CCDC171: variants seen among roughly 807,000 people sequenced by gnomAD.
CCDC171 encodes the protein coiled-coil domain-containing protein 171.
Under a neutral mutation model 168.2 loss-of-function variants are expected in CCDC171, and 177 were observed. That is an observed-to-expected ratio of 1.05 (90% CI 0.93 to 1.19). CCDC171 has a LOEUF of 1.19. CCDC171 is among the 50% of genes most tolerant of loss of function. The pLI is 0.00. For synonymous variants in CCDC171, 687 were observed against 540.8 expected, an observed-to-expected ratio of 1.27 and a Z score of -3.75; for missense variants, 1,991 against 1,539.0, an observed-to-expected ratio of 1.29 and a Z score of -4.91.
At chr9:15,554,971 C>T (rs2038669208) in intron 1 of CCDC171, among the ~76,000 whole-genome samples, 1 of 152,092 alleles carries the variant, frequency 6.6e-6, no homozygotes, top group African/African-American at 2.4e-5. Context: ...TTTTTTCATC[C>T]ACCCATCCCT....
At chr9:15,594,894 A>T (rs1319095726) in intron 6 of CCDC171, among the ~76,000 whole-genome samples, 1 of 152,204 alleles carries the variant, frequency 6.6e-6, no homozygotes, top group Non-Finnish European at 1.5e-5. Flanking sequence ...AAAACCCATG[A>T]ATCAACTAAC....
At chr9:15,665,066 A>G (rs1038692943) in intron 8 of CCDC171, among the ~76,000 whole-genome samples, 1 of 152,004 alleles carries the variant, frequency 6.6e-6, no homozygotes, top group Admixed American at 6.6e-5. Flanking sequence ...TACTTTACTC[A>G]CGTCAATGGT....
At chr9:16,085,383 T>G in the CCDC171 span, among the ~76,000 whole-genome samples, 1 of 152,230 alleles carries the variant, frequency 6.6e-6, no homozygotes, top group Non-Finnish European at 1.5e-5. Context: ...CATGTAGCAC[T>G]GAAATGGGTC....
chr9:15,912,632 G>A (rs1017465559), intron 24 of CCDC171, among the ~76,000 whole-genome samples: 2 of 152,186 alleles, frequency 1.3e-5, no homozygotes, highest in African/African-American at 4.8e-5. Flanking sequence ...CAAAGGGAAT[G>A]CTTCCGGTTT....
chr9:15,587,786 C>A, intron 4 of CCDC171: 1 of 312,238 alleles, frequency 3.2e-6, no homozygotes, highest in Admixed American at 3.5e-5. Context: ...TATGAGGAAA[C>A]CCTTTAAAAT....
At chr9:15,621,680 A>G (rs1426538479) in intron 6 of CCDC171, among the ~76,000 whole-genome samples, 1 of 152,250 alleles carries the variant, frequency 6.6e-6, no homozygotes, top group East Asian at 1.9e-4. Context: ...CATTATTGGC[A>G]GGAATGTAAG....
At chr9:15,639,450 G>C (rs10962103) in intron 7 of CCDC171, among the ~76,000 whole-genome samples, 23,492 of 151,870 alleles carry the variant, frequency 0.15, 1,975 homozygotes, top group Non-Finnish European at 0.21. Flanking sequence ...CAGAATTTGC[G>C]ACCACAAATT....
At chr9:15,773,616 A>G (rs145618490) in intron 18 of CCDC171, among the ~76,000 whole-genome samples, 47 of 152,312 alleles carry the variant, frequency 3.1e-4, no homozygotes, top group African/African-American at 1.1e-3. Context: ...AACAGTCTAG[A>G]CAAGTATACA....
At chr9:16,024,315 C>T (rs1418828318) in intron 6 of CCDC171, among the ~76,000 whole-genome samples, 1 of 152,172 alleles carries the variant, frequency 6.6e-6, no homozygotes, top group African/African-American at 2.4e-5. Context: ...TCCTATCCTA[C>T]CTCAAACTGG....
At chr9:15,653,072 C>T (rs1564143804) in intron 7 of CCDC171, among the ~76,000 whole-genome samples, 1 of 152,134 alleles carries the variant, frequency 6.6e-6, no homozygotes, top group Non-Finnish European at 1.5e-5. Flanking sequence ...TTCCCATTTA[C>T]TTTTTCTGTT....
intron 11 of CCDC171, among the ~76,000 whole-genome samples, chr9:15,715,680 C>G (rs1450003282): frequency 6.6e-6 from 1 of 152,112 alleles, no homozygotes; most frequent in Non-Finnish European, 1.5e-5. Flanking sequence ...TACTAATTCT[C>G]CCTTCTTGGG....
the CCDC171 span, among the ~76,000 whole-genome samples, chr9:16,085,239 C>T: frequency 1.3e-5 from 2 of 152,186 alleles, no homozygotes; most frequent in African/African-American, 2.4e-5. Context: ...TTTGTCAGAG[C>T]TTGGTCAGGG....
At chr9:15,641,213 C>G (rs909442836) in intron 7 of CCDC171, among the ~76,000 whole-genome samples, 1 of 152,058 alleles carries the variant, frequency 6.6e-6, no homozygotes, top group Non-Finnish European at 1.5e-5. Context: ...TTGGGGTAAA[C>G]TTTGTGCAAC....
At chr9:15,648,436 G>A (rs200934333) in intron 7 of CCDC171, among the ~76,000 whole-genome samples, 1 of 152,104 alleles carries the variant, frequency 6.6e-6, no homozygotes, top group African/African-American at 2.4e-5. Context: ...GGTATTCAAT[G>A]AGGAAAAGAG....
chr9:15,665,659 T>G (rs7020230), intron 8 of CCDC171, among the ~76,000 whole-genome samples: 2,518 of 152,232 alleles, frequency 0.017, 74 homozygotes, highest in African/African-American at 0.056. Context: ...TGTGCACCTG[T>G]AGTCCCAGCT....
In CCDC171 at chr9:15,607,474, T is replaced by C. The variant is rs565475578; in HGVS notation, c.675+13302T>C. On this transcript the variant is annotated intron_variant, in intron 6 of 25. Transcript: ENST00000380701. ...AAACTTATATTTTTCACTTTTTTTT[T>C]TCTTTTAGACAGGGTCTCACTCTGT... Among the ~76,000 whole-genome samples the C allele has an allele frequency of 2.6e-5, 4 of 152,298 alleles. No homozygotes were observed. In the South Asian group the frequency reaches 8.3e-4, roughly 32 times the overall value.
Position 15,833,457 on chromosome 9 carries a change from A to C in CCDC171, c.3268-13245A>C, listed in dbSNP as rs549330305. ...TATTCATTTATGTTGTGCCACTTAA[A>C]ATCTGTGAGTGAAGTTTATTTTTGC... On this transcript the variant is annotated intron_variant, in intron 21 of 25. Coordinates refer to ENST00000380701, the MANE Select transcript of CCDC171 (RefSeq NM_173550.4). 3.3e-5 allele frequency among the ~76,000 whole-genome samples: 5 copies of C among 152,306 alleles called. No homozygotes were observed. In the South Asian group the frequency reaches 1.0e-3, roughly 32 times the overall value.
At chr9:15,970,721 G>T (rs1018866044) in intron 25 of CCDC171, among the ~76,000 whole-genome samples, 1 of 152,052 alleles carries the variant, frequency 6.6e-6, no homozygotes, top group African/African-American at 2.4e-5. Flanking sequence ...TACCATCAGT[G>T]TTCTCAAATA....
chr9:15,729,648 C>G lies in CCDC171; in HGVS notation c.1899C>G (p.Asp633Glu). 6.2e-7 allele frequency: 1 copy of G among 1,612,842 alleles called. No individual in the cohort carries two copies. The highest frequency in any genetic ancestry group is 8.5e-7 in the Non-Finnish European group (1 of 1,179,254). Residue 633 changes from aspartate to glutamate, a missense_variant, in exon 16 of 26, where the codon GAC becomes GAG. Physicochemically the swap from Asp to Glu is conservative, Grantham distance 45. Transcript: ENST00000380701. Reference protein sequence around the residue: ...HLEYICKNKSDTMRELQQTQE... With the variant: ...HLEYICKNKSETMRELQQTQE... ...AGTATATCTGTAAAAACAAGTCTGA[C>G]ACGATGAGAGAGCTTCAGCAGACTC...
Sources: gnomAD v4.1 joint callset for allele counts (sites outside exome capture counted in the v4.1 genomes callset) on GRCh38, gnomAD v4.1.1 for gene constraint, MANE v1.5 for transcripts, NCBI Gene and HGNC (gene_info 2026-07-23, HGNC 2026-07-21) for gene names.